Variants in CRACDL observed in about 807,000 individuals in gnomAD.
The protein encoded by CRACDL is CRACD like, also known as CRACD-like protein.
In CRACDL, 26 loss-of-function variants were observed where a neutral mutation model predicts 70.6. The ratio of observed to expected loss-of-function variants is 0.37; its 90% CI spans 0.27 to 0.51. CRACDL has a LOEUF of 0.51. CRACDL is among the 20% of genes least tolerant of loss of function. The probability of loss-of-function intolerance (pLI) is 0.94; values close to 1 mark genes in which losing one functional copy is unlikely to be tolerated. For synonymous variants in CRACDL, 618 were observed against 615.2 expected (o/e 1.00, Z -0.07); for missense variants, 1,283 against 1,376.9 (o/e 0.93, Z 1.08).
At position 98,846,993 on chromosome 2, in the gene CRACDL, C is replaced by T. The variant is rs952640968; in HGVS notation, c.-10-183G>A. On this transcript the variant is annotated intron_variant, in intron 1 of 9. Transcript: ENST00000397899. ...TATCCACAGCCACAAGATCAGTAAC[C>T]GCATAAGCGTTTAATCACTGACTGG... 4.6e-5 allele frequency among the ~76,000 whole-genome samples: 7 copies of T among 152,182 alleles called. No homozygotes were observed. The East Asian group carries it at 9.6e-4, about 21-fold the overall frequency.
In CRACDL at chr2:98,926,969, C is replaced by T. The variant is rs569985098; in HGVS notation, c.-11+8969G>A. On this transcript the variant is annotated intron_variant, in intron 1 of 9. Transcript: ENST00000397899. Reference sequence around the variant, plus strand: ...AGGGCGGGTCTCCAGGGATTCGTTTCTAAGTACTTGGCTTGTATGCAAGGT... The same window carrying T: ...AGGGCGGGTCTCCAGGGATTCGTTTTTAAGTACTTGGCTTGTATGCAAGGT... 6.6e-5 allele frequency among the ~76,000 whole-genome samples: 10 copies of T among 152,308 alleles called. No homozygotes were observed. The Middle Eastern group carries it at 0.01, about 155-fold the overall frequency.
intron 7 of CRACDL, among the ~76,000 whole-genome samples, chr2:98,812,711 GT>G (rs70940126): frequency 6.2e-4 from 87 of 139,504 alleles, no homozygotes; most frequent in Admixed American, 1.4e-3. Flanking sequence ...CTGTTTTTTT[GT>G]TTTTTTTTTT....
At chr2:98,878,503 T>C (rs1467946875) in intron 1 of CRACDL, among the ~76,000 whole-genome samples, 1 of 152,240 alleles carries the variant, frequency 6.6e-6, no homozygotes, top group Non-Finnish European at 1.5e-5. Context: ...GCATATTACA[T>C]GATGTTCACA....
intron 1 of CRACDL, among the ~76,000 whole-genome samples, chr2:98,927,836 A>G (rs1271629900): frequency 6.6e-6 from 1 of 152,208 alleles, no homozygotes; most frequent in East Asian, 1.9e-4. Context: ...AAGAATATCT[A>G]ATAATCTAGT....
chr2:98,822,791 G>C lies in CRACDL; in HGVS notation c.1482C>G (p.Pro494=), dbSNP rs2104468526. Residue 494 remains proline, a synonymous_variant, in exon 7 of 10, where the codon CCC becomes CCG. Transcript: ENST00000397899. The surrounding 1 kb of genome is among the most constrained non-coding windows in gnomAD (Gnocchi z 4.9). The part of the protein sequence containing the change: ...STAPAPSPPA[P]KSCLKHRPAA... ...CGGGCCGGTGTTTCAGGCAGCTCTT[G>C]GGCGCCGGCGGGCTCGGGGCGGGCG... 7.4e-7 allele frequency: 1 copy of C among 1,358,220 alleles called. No individual in the cohort carries two copies. The highest frequency in any genetic ancestry group is 9.4e-7 in the Non-Finnish European group (1 of 1,060,448). 84.1% of individuals were successfully genotyped at this position (1,358,220 alleles called of 1,614,324 possible). A position where few individuals can be genotyped will look rare whatever the true frequency, so the allele number is the denominator to read the frequency against.
chr2:98,821,481 T>C (rs1705024115), intron 7 of CRACDL, among the ~76,000 whole-genome samples: 1 of 152,194 alleles, frequency 6.6e-6, no homozygotes, highest in African/African-American at 2.4e-5. Flanking sequence ...GTCGGCCTAT[T>C]CCTTACTCTA....
In CRACDL at chr2:98,927,851, T is replaced by A. The variant is rs149009561; in HGVS notation, c.-11+8087A>T. On this transcript the variant is annotated intron_variant, in intron 1 of 9. Coordinates refer to ENST00000397899, the MANE Select transcript of CRACDL (RefSeq NM_207362.3). ...AAGAATATCTAATAATCTAGTAGTG[T>A]GGAAAAGAGGCTCAACTTGTACCAT... Among the ~76,000 whole-genome samples the A allele has an allele frequency of 5.0e-3, 767 of 152,222 alleles. 5 individuals carry two copies. The highest frequency in any genetic ancestry group is 0.014 in the Middle Eastern group (4 of 292).
At chr2:98,908,630 G>T (rs1408327226) in intron 1 of CRACDL, 1 of 152,286 alleles carries the variant, frequency 6.6e-6, no homozygotes, top group African/African-American at 2.4e-5. Flanking sequence ...CTCCATTAAG[G>T]TCTGTCCCCT....
intron 3 of CRACDL, among the ~76,000 whole-genome samples, chr2:98,836,618 TC>T (rs1200451594): frequency 6.6e-6 from 1 of 152,102 alleles, no homozygotes; most frequent in Admixed American, 6.5e-5. Context: ...GAGGGGCCAC[TC>T]CCAGGCCTGT....
chr2:98,852,292 T>C (rs776477006), intron 1 of CRACDL, among the ~76,000 whole-genome samples: 12 of 152,110 alleles, frequency 7.9e-5, no homozygotes, highest in Non-Finnish European at 5.9e-5. Context: ...CTGAGGGAAA[T>C]GAACTAAGAT....
chr2:98,818,785 G>A lies in CRACDL; in HGVS notation c.2416+3072C>T, dbSNP rs78014253. On this transcript the variant is annotated intron_variant, in intron 7 of 9. Transcript: ENST00000397899. The stretch of plus-strand genomic sequence containing the variant: ...AGCTTCACTGCTGGGGTCTGACAGC[G>A]CAGACCCTGAGATTCTGCTCTGGTC... 2.6e-3 allele frequency among the ~76,000 whole-genome samples: 395 copies of A among 152,262 alleles called. 9 individuals are homozygous for A. The East Asian group carries it at 0.065, about 25-fold the overall frequency.
chr2:98,935,572 G>A (rs889682357), intron 1 of CRACDL, among the ~76,000 whole-genome samples: 10 of 152,162 alleles, frequency 6.6e-5, no homozygotes, highest in Non-Finnish European at 1.5e-4. Context: ...GGAGACAGTG[G>A]GCATAAAGAC....
At chr2:98,880,423 T>C (rs1340729714) in intron 1 of CRACDL, among the ~76,000 whole-genome samples, 1 of 152,206 alleles carries the variant, frequency 6.6e-6, no homozygotes, top group Non-Finnish European at 1.5e-5. Flanking sequence ...GAATAGAATA[T>C]TATGAGCACC....
In CRACDL at chr2:98,830,510, T is replaced by C. The variant is rs368808773; in HGVS notation, c.540+1838A>G. On this transcript the variant is annotated intron_variant, in intron 5 of 9. Transcript: ENST00000397899. Reference sequence around the variant, plus strand: ...TTGTTTTTCCCTCTTAATCAACCAATTATGCATAAAAACTTTCAGGCCTCA... The same window carrying C: ...TTGTTTTTCCCTCTTAATCAACCAACTATGCATAAAAACTTTCAGGCCTCA... Among the ~76,000 whole-genome samples the C allele has an allele frequency of 1.8e-4, 27 of 152,324 alleles. No individual in the cohort carries two copies. The South Asian group carries it at 5.6e-3, about 32-fold the overall frequency.
At chr2:98,804,171 T>G (rs944515505) in intron 7 of CRACDL, among the ~76,000 whole-genome samples, 1 of 152,174 alleles carries the variant, frequency 6.6e-6, no homozygotes, top group Non-Finnish European at 1.5e-5. Context: ...CAACCAAGTC[T>G]TCTTCTCAAA....
At chr2:98,898,350 C>T (rs1215988081) in intron 1 of CRACDL, among the ~76,000 whole-genome samples, 1 of 152,214 alleles carries the variant, frequency 6.6e-6, no homozygotes, top group Non-Finnish European at 1.5e-5. Context: ...AGAAGACATG[C>T]CCACAGTAAA....
At position 98,906,410 on chromosome 2, in the gene CRACDL, T is replaced by C. The variant is rs576710952; in HGVS notation, c.-11+29528A>G. Among the ~76,000 whole-genome samples the C allele has an allele frequency of 6.6e-5, 10 of 152,170 alleles. No individual in the cohort carries two copies. The East Asian group carries it at 1.9e-3, about 29-fold the overall frequency. ...CTGAGTAGCTGGGACTACAGGCGCA[T>C]GCCACTACGCCAGGCTAATTTTTGT... On this transcript the variant is annotated intron_variant, in intron 1 of 9. Transcript: ENST00000397899.
chr2:98,911,770 G>A (rs1708553092), intron 1 of CRACDL, among the ~76,000 whole-genome samples: 2 of 152,042 alleles, frequency 1.3e-5, no homozygotes, highest in African/African-American at 4.8e-5. Flanking sequence ...GAGAACCTGA[G>A]GGTGTTTTGT....
chr2:98,797,664 C>T (rs886332750), intron 7 of CRACDL, 127 bp from the exon 8 acceptor site: 2 of 806,454 alleles, frequency 2.5e-6, no homozygotes, highest in Non-Finnish European at 3.9e-6. Flanking sequence ...GAGAGGATTA[C>T]TTTCTTTAGG....
Sources: allele counts gnomAD v4.1 joint callset (sites outside exome capture counted in the v4.1 genomes callset), GRCh38; gene constraint gnomAD v4.1.1; non-coding constraint Gnocchi (gnomAD v3.1); transcripts MANE v1.5; gene names NCBI Gene and HGNC (gene_info 2026-07-23, HGNC 2026-07-21).